Variants in DEUP1 observed in about 807,000 individuals in gnomAD.
DEUP1 encodes the protein coiled-coil domain containing 67.
A neutral mutation model predicts 87.4 loss-of-function variants in DEUP1; 82 were observed. The ratio of observed to expected loss-of-function variants is 0.94; its 90% confidence interval spans 0.78 to 1.13. The LOEUF (loss-of-function observed/expected upper bound fraction) is 1.13. DEUP1 is among the 50% of genes most tolerant of loss of function. The pLI, the probability that DEUP1 is intolerant of heterozygous loss-of-function variation, is 0.00. For synonymous variants in DEUP1, 214 were observed against 222.7 expected (o/e 0.96, Z 0.35); for missense variants, 663 against 681.5 (o/e 0.97, Z 0.30).
At chr11:93,419,888 A>C (rs1228090861) in intron 13 of DEUP1, among the ~76,000 whole-genome samples, 1 of 151,460 alleles carries the variant, frequency 6.6e-6, no homozygotes, top group Non-Finnish European at 1.5e-5. Context: ...AAAAATTAAA[A>C]AAAAAACAGG....
intron 11 of DEUP1, among the ~76,000 whole-genome samples, chr11:93,406,902 A>G (rs1276548801): frequency 6.6e-6 from 1 of 152,038 alleles, no homozygotes; most frequent in African/African-American, 2.4e-5. Context: ...GGAAACATAT[A>G]TATTCTACTT....
intron 4 of DEUP1, among the ~76,000 whole-genome samples, chr11:93,358,331 G>A (rs1283883302): frequency 6.6e-6 from 1 of 152,136 alleles, no homozygotes; most frequent in African/African-American, 2.4e-5. Context: ...TTGGCTGATG[G>A]CTGGTTTTCA....
intron 13 of DEUP1, among the ~76,000 whole-genome samples, chr11:93,435,049 C>T (rs1197514617): frequency 6.6e-6 from 1 of 152,118 alleles, no homozygotes; most frequent in Non-Finnish European, 1.5e-5. Flanking sequence ...AAGTAGGTAC[C>T]TTTACTATTA....
At position 93,373,623 on chromosome 11, in the gene DEUP1, A is replaced by G. The variant is rs56986080; in HGVS notation, c.789+2343A>G. Among the ~76,000 whole-genome samples the G allele has an allele frequency of 2.6e-3, 277 of 106,884 alleles. 1 individual carries two copies. Among genetic ancestry groups the G allele is most frequent in the African/African-American group, 0.01 (269 of 26,848 alleles). The allele number at this position is 106,884 out of a possible 152,430, so 70.1% of individuals were successfully genotyped here. A position where few individuals can be genotyped will look rare whatever the true frequency, so the allele number is the denominator to read the frequency against. On this transcript the variant is annotated intron_variant, in intron 7 of 13. Coordinates refer to ENST00000298050, the MANE Select transcript of DEUP1 (RefSeq NM_181645.4). The stretch of plus-strand genomic sequence containing the variant: ...TATATATTTATATATGTATATATAT[A>G]CGTATATATATATATATATATATAT...
intron 2 of DEUP1, among the ~76,000 whole-genome samples, chr11:93,343,843 T>A (rs923918512): frequency 6.6e-6 from 1 of 151,454 alleles, no homozygotes; most frequent in Non-Finnish European, 1.5e-5. Context: ...ATTTAAGCAC[T>A]TTTTTTTAGA....
chr11:93,416,160 A>T (rs1947618219), intron 13 of DEUP1, among the ~76,000 whole-genome samples: 1 of 152,202 alleles, frequency 6.6e-6, no homozygotes, highest in Admixed American at 6.5e-5. Context: ...AAGCTAGCAG[A>T]AGGCAAGAAA....
chr11:93,347,033 T>A (rs1944383625), intron 2 of DEUP1, among the ~76,000 whole-genome samples: 1 of 152,212 alleles, frequency 6.6e-6, no homozygotes, highest in African/African-American at 2.4e-5. Flanking sequence ...ATGCCCTTTA[T>A]TTCTTTCCCT....
At chr11:93,364,707 GGTT>G (rs970338849) in intron 5 of DEUP1, among the ~76,000 whole-genome samples, 6 of 151,696 alleles carry the variant, frequency 4.0e-5, no homozygotes, top group African/African-American at 1.5e-4. Flanking sequence ...GAAGTTTCAT[GGTT>G]TTTTTTCTTT....
Position 93,370,165 on chromosome 11 carries a change from T to C in DEUP1, c.525T>C (p.Ser175=). The C allele has an allele frequency of 6.4e-7, 1 of 1,570,028 alleles. No individual in the cohort carries two copies. The highest frequency in any genetic ancestry group is 1.7e-5 in the Admixed American group (1 of 58,744). ...ISLDAQQKLL[S]EKCNQFQKQA... is the part of the protein sequence containing the mutation. ...TAGATGCTCAACAAAAATTATTATC[T>C]GAGAAGTGTAATCAGTTTCAGGTAA... Residue 175 remains serine (S), a synonymous_variant, in exon 6 of 14, where the codon TCT becomes TCC. Coordinates refer to ENST00000298050, the MANE Select transcript of DEUP1 (RefSeq NM_181645.4).
chr11:93,404,975 C>T (rs1469804381), intron 11 of DEUP1, among the ~76,000 whole-genome samples: 1 of 151,968 alleles, frequency 6.6e-6, no homozygotes, highest in Admixed American at 6.6e-5. Flanking sequence ...ATGCTCACAA[C>T]ACTTATTTAA....
intron 7 of DEUP1, among the ~76,000 whole-genome samples, chr11:93,378,564 AT>A (rs998609738): frequency 1.3e-5 from 2 of 151,598 alleles, no homozygotes; most frequent in African/African-American, 4.9e-5. Context: ...CTTCTGAATT[AT>A]TTTTCTGGCA....
At chr11:93,427,760 G>A (rs28880082) in intron 13 of DEUP1, among the ~76,000 whole-genome samples, 120,760 of 145,910 alleles carry the variant, frequency 0.83, 50,151 homozygotes, top group East Asian at 0.91. Context: ...ATCTACAATC[G>A]ACTCAAACAA....
At chr11:93,359,161 G>A (rs1463692852) in intron 4 of DEUP1, among the ~76,000 whole-genome samples, 1 of 152,128 alleles carries the variant, frequency 6.6e-6, no homozygotes, top group East Asian at 1.9e-4. Flanking sequence ...GCAGAAAATG[G>A]TATCTTGTGG....
intron 2 of DEUP1, among the ~76,000 whole-genome samples, chr11:93,341,798 T>C (rs562727869): frequency 1.5e-4 from 23 of 152,296 alleles, no homozygotes; most frequent in African/African-American, 5.5e-4. Context: ...AACCAAAATT[T>C]ATTCACTCAC....
intron 8 of DEUP1, among the ~76,000 whole-genome samples, chr11:93,388,646 C>A (rs1454777206): frequency 6.6e-6 from 1 of 152,160 alleles, no homozygotes; most frequent in Non-Finnish European, 1.5e-5. Context: ...TTCCTTTCCA[C>A]AATACATTAG....
In DEUP1 at chr11:93,356,943, T is replaced by C; in HGVS notation, c.202-5T>C. 1 of 1,574,866 alleles carries C rather than the reference T, an allele frequency of 6.3e-7. No individual in the cohort carries two copies. The highest frequency in any genetic ancestry group is 1.2e-5 in the South Asian group (1 of 83,542). ...AAGCAAAATTAAATTTTATTCTTCATGCAGGTAGGGTTACTTCGACAGAAA... is the reference window on the plus strand; with the variant it reads ...AAGCAAAATTAAATTTTATTCTTCACGCAGGTAGGGTTACTTCGACAGAAA... On this transcript the variant is annotated splice_polypyrimidine_tract_variant and splice_region_variant and intron_variant, in intron 3 of 13. Transcript: ENST00000298050.
chr11:93,357,777 C>A (rs1043341362), intron 4 of DEUP1, among the ~76,000 whole-genome samples: 6 of 151,998 alleles, frequency 3.9e-5, no homozygotes, highest in Admixed American at 1.3e-4. Context: ...ATTAAAGGAG[C>A]CTAAGCAATT....
intron 13 of DEUP1, among the ~76,000 whole-genome samples, chr11:93,436,206 C>T (rs1948245045): frequency 6.6e-6 from 1 of 152,172 alleles, no homozygotes; most frequent in Admixed American, 6.5e-5. Flanking sequence ...GGAGTACATA[C>T]ATCTTTCCAT....
chr11:93,386,140 T>A (rs906103521), intron 8 of DEUP1, among the ~76,000 whole-genome samples: 2 of 152,226 alleles, frequency 1.3e-5, no homozygotes, highest in Non-Finnish European at 2.9e-5. Flanking sequence ...TATTTTTAAA[T>A]GCCTTTGTTT....
Sources: allele counts gnomAD v4.1 joint callset (sites outside exome capture counted in the v4.1 genomes callset), GRCh38; gene constraint gnomAD v4.1.1; transcripts MANE v1.5; gene names NCBI Gene and HGNC (gene_info 2026-07-23, HGNC 2026-07-21).